Variants in PLCB4 observed in about 807,000 individuals in gnomAD.
The protein encoded by PLCB4 is 1-phosphatidylinositol 4,5-bisphosphate phosphodiesterase beta-4.
PLCB4 carries 77 observed loss-of-function variants against 178.8 expected under a neutral mutation model. That is an observed-to-expected ratio of 0.43 (90% CI 0.36 to 0.52). PLCB4 has a LOEUF of 0.52. Among genes scored for constraint, PLCB4 ranks in the 20% least tolerant of loss-of-function variants. The pLI is 0.00. For synonymous variants in PLCB4, 496 were observed against 490.8 expected (o/e 1.01, Z -0.14); for missense variants, 1,024 against 1,453.4 (o/e 0.70, Z 4.80).
intron 2 of PLCB4, among the ~76,000 whole-genome samples, chr20:9,137,098 A>G (rs2092399449): frequency 6.6e-6 from 1 of 152,012 alleles, no homozygotes; most frequent in African/African-American, 2.4e-5. Flanking sequence ...TCGTTCTAAT[A>G]CTATTCTTGG....
rs368695059 is a variant in PLCB4 at position 9,394,212 on chromosome 20, T to A, written c.1414+534T>A. On this transcript the variant is annotated intron_variant, in intron 18 of 39. Transcript: ENST00000378473. ...AGTATATCCTAGTTCAGTGAATTAATGGTATCAAATATTGGCATGATTACA... is the reference window on the plus strand; with the variant it reads ...AGTATATCCTAGTTCAGTGAATTAAAGGTATCAAATATTGGCATGATTACA... 2.0e-5 allele frequency among the ~76,000 whole-genome samples: 3 copies of A among 152,290 alleles called. No homozygotes were observed. In the South Asian group the frequency reaches 6.2e-4, roughly 32 times the overall value.
In PLCB4 at chr20:9,097,663, G is replaced by C. The variant is rs75075555; in HGVS notation, c.-79+1321G>C. Among the ~76,000 whole-genome samples the C allele has an allele frequency of 2.4e-3, 365 of 152,200 alleles. 1 individual carries two copies. Among genetic ancestry groups the C allele is most frequent in the African/African-American group, 8.4e-3 (347 of 41,528 alleles). On this transcript the variant is annotated intron_variant, in intron 2 of 39. Coordinates refer to ENST00000378473, the MANE Select transcript of PLCB4 (RefSeq NM_001377142.1). The stretch of plus-strand genomic sequence containing the variant: ...TCCTCATTCTTCTGCAACCTCACAA[G>C]AATGACCATTCACCTCCAGCTTTTA...
intron 3 of PLCB4, among the ~76,000 whole-genome samples, chr20:9,259,236 GTGATAATATTGCATGGCTTTC>G (rs1479089678): frequency 6.6e-6 from 1 of 152,144 alleles, no homozygotes; most frequent in Non-Finnish European, 1.5e-5. Context: ...CACAACTTTA[GTGATAATATTGCATGGCTTTC>G]TCTCTGCATT....
intron 1 of PLCB4, among the ~76,000 whole-genome samples, chr20:9,070,516 C>A (rs1365777732): frequency 2.0e-5 from 3 of 152,118 alleles, no homozygotes; most frequent in Non-Finnish European, 4.4e-5. Flanking sequence ...GTTATGTAAT[C>A]CAGAATGCTG....
intron 2 of PLCB4, among the ~76,000 whole-genome samples, chr20:9,164,881 G>C (rs768566761): frequency 1.3e-5 from 2 of 152,186 alleles, no homozygotes; most frequent in African/African-American, 2.4e-5. Context: ...GTTTGAGGTA[G>C]AGTCAGGTTT....
At chr20:9,468,758 C>CAA in intron 36 of PLCB4, 86 bp downstream of exon 36, 1 of 692,094 alleles carries the variant, frequency 1.4e-6, no homozygotes, top group Non-Finnish European at 2.5e-6. Flanking sequence ...CACACACACA[C>CAA]AACTGAGACA....
chr20:9,454,755 G>A (rs1290943461), intron 33 of PLCB4, among the ~76,000 whole-genome samples: 1 of 152,154 alleles, frequency 6.6e-6, no homozygotes, highest in African/African-American at 2.4e-5. Flanking sequence ...GGAGTAAATG[G>A]TGGGTAACTA....
At chr20:9,267,343 T>G (rs1261937634) in intron 3 of PLCB4, among the ~76,000 whole-genome samples, 1 of 152,182 alleles carries the variant, frequency 6.6e-6, no homozygotes, top group Non-Finnish European at 1.5e-5. Flanking sequence ...TTCACTATGT[T>G]TGCTATGATT....
chr20:9,214,118 C>T (rs538990639), intron 2 of PLCB4, among the ~76,000 whole-genome samples: 3 of 152,164 alleles, frequency 2.0e-5, no homozygotes, highest in Admixed American at 6.5e-5. Flanking sequence ...TAAAGAGGTT[C>T]GACTTATCTT....
At chr20:9,279,998 T>C (rs2094480702) in intron 3 of PLCB4, among the ~76,000 whole-genome samples, 1 of 152,052 alleles carries the variant, frequency 6.6e-6, no homozygotes, top group African/African-American at 2.4e-5. Context: ...GTGTTTCATG[T>C]TTTCCATTGC....
chr20:9,433,216 C>A (rs2041547144), intron 28 of PLCB4, among the ~76,000 whole-genome samples: 1 of 152,204 alleles, frequency 6.6e-6, no homozygotes, highest in Non-Finnish European at 1.5e-5. Flanking sequence ...ACAAATGGGA[C>A]AACCAGCCTT....
chr20:9,296,701 C>A (rs1452618385), intron 3 of PLCB4, among the ~76,000 whole-genome samples: 2 of 152,102 alleles, frequency 1.3e-5, no homozygotes, highest in East Asian at 1.9e-4. Context: ...AGTTCATGTC[C>A]TTTGTAGGGA....
At chr20:9,408,587 G>T (rs530419931) in intron 22 of PLCB4, 46 bp from the exon 23 acceptor site, 2 of 777,806 alleles carry the variant, frequency 2.6e-6, no homozygotes, top group Non-Finnish European at 3.9e-6. Flanking sequence ...TTCGGTGAGG[G>T]TTTGATGGCA....
At chr20:9,164,595 A>G (rs1482993853) in intron 2 of PLCB4, among the ~76,000 whole-genome samples, 3 of 152,224 alleles carry the variant, frequency 2.0e-5, no homozygotes, top group Admixed American at 2.0e-4. Context: ...GAAGCATTAG[A>G]AGAGTATAAC....
chr20:9,451,091 G>A (rs1318769769), intron 32 of PLCB4, among the ~76,000 whole-genome samples: 4 of 152,200 alleles, frequency 2.6e-5, no homozygotes, highest in Middle Eastern at 3.4e-3. Context: ...TTATTCATGC[G>A]ATAAATACTT....
chr20:9,387,139 C>T (rs183398019), intron 14 of PLCB4, among the ~76,000 whole-genome samples: 3 of 151,996 alleles, frequency 2.0e-5, no homozygotes, highest in East Asian at 1.9e-4. Context: ...TCAAGTGATC[C>T]GCCTTCCTAG....
rs188247851 is a variant in PLCB4 at position 9,101,796 on chromosome 20, G to T, written c.-79+5454G>T. Among the ~76,000 whole-genome samples, 376 of 151,706 alleles carry T rather than the reference G, an allele frequency of 2.5e-3. 3 individuals are homozygous for T. Among genetic ancestry groups the T allele is most frequent in the Non-Finnish European group, 3.9e-3 (262 of 67,984 alleles). On this transcript the variant is annotated intron_variant, in intron 2 of 39. Coordinates refer to ENST00000378473, the MANE Select transcript of PLCB4 (RefSeq NM_001377142.1). Reference sequence around the variant, plus strand: ...TTACAGATAGGTCTAAGAGTTAGAGGAAAGCTTAGTGCCTCATTGTAAAAA... The same window carrying T: ...TTACAGATAGGTCTAAGAGTTAGAGTAAAGCTTAGTGCCTCATTGTAAAAA...
At chr20:9,125,454 T>C (rs2092087599) in intron 2 of PLCB4, among the ~76,000 whole-genome samples, 1 of 152,166 alleles carries the variant, frequency 6.6e-6, no homozygotes, top group Admixed American at 6.5e-5. Flanking sequence ...TTCATTTTCT[T>C]CACCTAAAGT....
At chr20:9,299,258 A>G (rs2094676494) in intron 3 of PLCB4, among the ~76,000 whole-genome samples, 1 of 152,096 alleles carries the variant, frequency 6.6e-6, no homozygotes, top group Admixed American at 6.6e-5. Flanking sequence ...TTTATATGAA[A>G]AGAAACAAGT....
Sources: allele counts gnomAD v4.1 joint callset (sites outside exome capture counted in the v4.1 genomes callset), GRCh38; gene constraint gnomAD v4.1.1; transcripts MANE v1.5; gene names NCBI Gene and HGNC (gene_info 2026-07-23, HGNC 2026-07-21).